CEP63: variants seen among roughly 807,000 people sequenced by gnomAD.
CEP63 encodes the protein centrosomal protein 63, also known as centrosomal protein of 63 kDa.
A neutral mutation model predicts 89.1 loss-of-function variants in CEP63; 84 were observed. That is an observed-to-expected ratio of 0.94 (90% CI 0.79 to 1.13). The LOEUF (loss-of-function observed/expected upper bound fraction) is 1.13, where lower values mean the gene tolerates loss of function less well. Ranked by LOEUF, CEP63 falls within the 50% of genes most tolerant of loss-of-function variation. The pLI is 0.00. For synonymous variants in CEP63, 267 were observed against 272.5 expected (o/e 0.98, Z 0.20); for missense variants, 838 against 813.3 (o/e 1.03, Z -0.37).
At chr3:134,622,227 A>G in the CEP63 span, among the ~76,000 whole-genome samples, 4 of 152,326 alleles carry the variant, frequency 2.6e-5, no homozygotes, top group South Asian at 6.2e-4. Context: ...AACCAAAAAA[A>G]CCGAAGGCAG....
At chr3:134,660,477 C>G in the CEP63 span, among the ~76,000 whole-genome samples, 1 of 152,334 alleles carries the variant, frequency 6.6e-6, no homozygotes, top group African/African-American at 2.4e-5. Context: ...AGTGGCAGAG[C>G]TAGGATTCAC....
At chr3:134,522,536 TG>T (rs1947696871) in intron 3 of CEP63, among the ~76,000 whole-genome samples, 1 of 152,158 alleles carries the variant, frequency 6.6e-6, no homozygotes, top group African/African-American at 2.4e-5. Context: ...ACTTGTGTCG[TG>T]GGGGTTTATT....
chr3:134,721,876 A>G, the CEP63 span, among the ~76,000 whole-genome samples: 3 of 151,990 alleles, frequency 2.0e-5, no homozygotes, highest in African/African-American at 4.8e-5. Flanking sequence ...GTTTGTTAGT[A>G]TTTTGTTGAG....
chr3:134,620,990 G>T, the CEP63 span: 1 of 637,658 alleles, frequency 1.6e-6, no homozygotes, highest in Non-Finnish European at 2.8e-6. Context: ...GAGGGGCAAA[G>T]GCTGGCTGAG....
At chr3:134,738,249 TAC>T in the CEP63 span, among the ~76,000 whole-genome samples, 548 of 145,672 alleles carry the variant, frequency 3.8e-3, 1 homozygote, top group Middle Eastern at 0.01. Context: ...TATTCCATCA[TAC>T]ACACACACAC....
the CEP63 span, among the ~76,000 whole-genome samples, chr3:134,676,046 G>T: frequency 6.6e-6 from 1 of 152,164 alleles, no homozygotes; most frequent in African/African-American, 2.4e-5. Flanking sequence ...ACACCCAAGA[G>T]AAGTGAAAAT....
the CEP63 span, among the ~76,000 whole-genome samples, chr3:134,600,246 A>G: frequency 1.9e-4 from 29 of 152,358 alleles, 1 homozygote; most frequent in South Asian, 6.0e-3. Context: ...CACTCCTTCT[A>G]GTGAACATGG....
In CEP63 at chr3:134,559,155, C is replaced by T; in HGVS notation, c.1679C>T (p.Thr560Ile). The T allele has an allele frequency of 1.9e-6, 3 of 1,613,948 alleles. No homozygotes were observed. Among genetic ancestry groups the T allele is most frequent in the Non-Finnish European group, 1.7e-6 (2 of 1,179,908 alleles). Residue 560 changes from threonine (T) to isoleucine (I), a missense_variant, in exon 14 of 15, where the codon ACC (threonine) becomes ATC (isoleucine). Thr to Ile is a moderately conservative substitution (Grantham distance 89, BLOSUM62 -1). Coordinates refer to ENST00000675561, the MANE Select transcript of CEP63 (RefSeq NM_001353108.3). ...TEFKNTEFKP[T>I]HGQHRHDGIK... is the part of the protein sequence containing the mutation. ...TTTTCTAATCTACCATCCAGGCCAA[C>T]CCATGGCCAGCACAGACATGATGGA...
chr3:134,754,541 A>G, the CEP63 span, among the ~76,000 whole-genome samples: 4 of 152,100 alleles, frequency 2.6e-5, no homozygotes, highest in African/African-American at 9.7e-5. Flanking sequence ...GCCTTGCCTG[A>G]TGATTTTCAA....
the CEP63 span, among the ~76,000 whole-genome samples, chr3:134,667,337 G>T: frequency 2.0e-5 from 3 of 152,116 alleles, no homozygotes; most frequent in Admixed American, 6.6e-5. Context: ...GGAAGGGTGG[G>T]GGTGAAATTT....
At chr3:134,680,481 T>G in the CEP63 span, among the ~76,000 whole-genome samples, 3 of 152,188 alleles carry the variant, frequency 2.0e-5, no homozygotes, top group Non-Finnish European at 2.9e-5. Flanking sequence ...CACATCCAGC[T>G]GGGCCCATCA....
chr3:134,651,041 G>A, the CEP63 span: 1 of 1,587,152 alleles, frequency 6.3e-7, no homozygotes. Context: ...GCGCGCAGCT[G>A]CCCCACACGG....
the CEP63 span, chr3:134,603,765 C>T: frequency 6.2e-7 from 1 of 1,612,268 alleles, no homozygotes. Flanking sequence ...TACCATGCAG[C>T]TTCAATTTGA....
chr3:134,531,439 C>T (rs1949827306), intron 3 of CEP63, among the ~76,000 whole-genome samples: 1 of 152,024 alleles, frequency 6.6e-6, no homozygotes, highest in Non-Finnish European at 1.5e-5. Flanking sequence ...AAAAATTCGC[C>T]AGGTGTGGTG....
At chr3:134,651,356 C>T in the CEP63 span, 198 of 1,146,664 alleles carry the variant, frequency 1.7e-4, no homozygotes, top group East Asian at 0.011. Flanking sequence ...CTCATCCCCA[C>T]GGTCTCCGGA....
At chr3:134,566,768 G>A (rs1957776161), downstream of CEP63, among the ~76,000 whole-genome samples, 1 of 151,932 alleles carries the variant, frequency 6.6e-6, no homozygotes, top group African/African-American at 2.4e-5. Context: ...AAAAAAAAAT[G>A]GACAATCACA....
chr3:134,551,724 CATATATATATATATAT>C (rs71139540), intron 11 of CEP63, among the ~76,000 whole-genome samples, 186 bp from the exon 12 acceptor site: 17 of 81,542 alleles, frequency 2.1e-4, no homozygotes, highest in East Asian at 5.3e-4. Context: ...TTAGAAAGTC[CATATATATATATATAT>C]ATATATATAT....
chr3:134,647,439 A>C, the CEP63 span: 9 of 1,608,352 alleles, frequency 5.6e-6, no homozygotes, highest in Non-Finnish European at 7.7e-6. Flanking sequence ...ATTTACCGTG[A>C]AAGTCATTTC....
At position 134,509,339 on chromosome 3, in the gene CEP63, AC is replaced by A. The variant is rs1197030719; in HGVS notation, c.222+2054del. 2.0e-5 allele frequency among the ~76,000 whole-genome samples: 3 copies of A among 152,248 alleles called. No homozygotes were observed. In the East Asian group the frequency reaches 5.8e-4, roughly 29 times the overall value. On this transcript the variant is annotated intron_variant, in intron 3 of 14. Transcript: ENST00000675561. ...CCAGATCTCAGGAAAACTCACTACA[AC>A]GAGAACAGCACCAGTGGGGACATCT... is the stretch of plus-strand genomic sequence containing the variant.
Sources: gnomAD v4.1 joint callset for allele counts (sites outside exome capture counted in the v4.1 genomes callset) on GRCh38, gnomAD v4.1.1 for gene constraint, MANE v1.5 for transcripts, NCBI Gene and HGNC (gene_info 2026-07-23, HGNC 2026-07-21) for gene names.